Variants in CELF4 observed in about 807,000 individuals in gnomAD.
The protein encoded by CELF4 is CUG-BP- and ETR-3-like factor 4.
CELF4 carries 18 observed loss-of-function variants against 59.9 expected under a neutral mutation model. The ratio of observed to expected loss-of-function variants is 0.30; its 90% CI spans 0.21 to 0.45. CELF4 has a LOEUF of 0.45. Ranked by LOEUF, CELF4 falls within the 20% of genes least tolerant of loss-of-function variation. The pLI, the probability that CELF4 is intolerant of heterozygous loss-of-function variation, is 1.00. For synonymous variants in CELF4, 261 were observed against 267.1 expected (o/e 0.98, Z 0.22); for missense variants, 456 against 689.0 (o/e 0.66, Z 3.79).
At chr18:37,425,850 AG>A (rs2099608773) in intron 2 of CELF4, among the ~76,000 whole-genome samples, 1 of 152,234 alleles carries the variant, frequency 6.6e-6, no homozygotes, top group African/African-American at 2.4e-5. Flanking sequence ...CTGCCTGATT[AG>A]GGGACCTTTG....
intron 1 of CELF4, among the ~76,000 whole-genome samples, chr18:37,503,495 C>T (rs2099934124): frequency 1.3e-5 from 2 of 152,158 alleles, no homozygotes. Context: ...CAGAAGAGCC[C>T]CTTCCACATC....
intron 2 of CELF4, among the ~76,000 whole-genome samples, chr18:37,383,044 ATG>A: frequency 6.6e-6 from 1 of 151,914 alleles, no homozygotes; most frequent in South Asian, 2.1e-4. Flanking sequence ...GTATGTATGT[ATG>A]TATGTATGTA....
intron 3 of CELF4, among the ~76,000 whole-genome samples, chr18:37,311,380 CT>C (rs1438661276): frequency 2.0e-5 from 3 of 152,228 alleles, no homozygotes; most frequent in Non-Finnish European, 2.9e-5. Flanking sequence ...AAGACCAATT[CT>C]TCACGCAGCT....
chr18:37,270,747 A>C lies in CELF4; in HGVS notation c.1099+21T>G, dbSNP rs2090777883. ...AAAGAATGTGCTGCATACGGAAATA[A>C]GTGCTGACAGATGTGCTTACCTGGG... On this transcript the variant is annotated intron_variant, in intron 8 of 12. Transcript: ENST00000420428. 1.9e-6 allele frequency: 3 copies of C among 1,613,654 alleles called. No homozygotes were observed. The African/African-American group carries it at 4.0e-5, about 21-fold the overall frequency.
intron 1 of CELF4, among the ~76,000 whole-genome samples, chr18:37,539,512 G>C (rs932936855): frequency 1.5e-4 from 23 of 151,668 alleles, no homozygotes; most frequent in Non-Finnish European, 2.8e-4. Context: ...TGCACACACA[G>C]ACACACAGCC....
intron 2 of CELF4, among the ~76,000 whole-genome samples, chr18:37,434,507 C>T (rs1405364982): frequency 6.6e-6 from 1 of 152,178 alleles, no homozygotes; most frequent in Non-Finnish European, 1.5e-5. Context: ...CCATCATTTC[C>T]CCTGCCCAAC....
chr18:37,472,014 G>A (rs1413702952), intron 2 of CELF4, among the ~76,000 whole-genome samples: 3 of 152,212 alleles, frequency 2.0e-5, no homozygotes, highest in African/African-American at 7.2e-5. Flanking sequence ...CCTGGTTAGG[G>A]TTTTCAATCT....
chr18:37,480,191 T>A (rs1339222160), intron 2 of CELF4, among the ~76,000 whole-genome samples: 1 of 152,148 alleles, frequency 6.6e-6, no homozygotes, highest in Non-Finnish European at 1.5e-5. Flanking sequence ...ACCGGGGAAC[T>A]GGAAGAGTGT....
chr18:37,486,915 AC>A, intron 1 of CELF4, among the ~76,000 whole-genome samples: 1 of 152,148 alleles, frequency 6.6e-6, no homozygotes, highest in African/African-American at 2.4e-5. Flanking sequence ...ATCAAGTTCT[AC>A]CTACTCCAGG....
At chr18:37,506,734 G>A (rs188302781) in intron 1 of CELF4, among the ~76,000 whole-genome samples, 119 of 152,322 alleles carry the variant, frequency 7.8e-4, no homozygotes, top group Middle Eastern at 3.4e-3. Flanking sequence ...TCAGCCCAAC[G>A]GCAGCAGCGC....
chr18:37,509,149 A>C, intron 1 of CELF4, among the ~76,000 whole-genome samples: 1 of 41,824 alleles, frequency 2.4e-5, no homozygotes, highest in South Asian at 1.0e-3. Flanking sequence ...ATTTAATGGA[A>C]GAATGTTATC....
chr18:37,243,186 C>CTTTTT lies in CELF4; in HGVS notation c.*2051_*2055dup, dbSNP rs561464294. The CTTTTT allele has an allele frequency of 3.0e-5, 3 of 100,564 alleles. No individual in the cohort carries two copies. The highest frequency in any genetic ancestry group is 4.1e-5 in the African/African-American group (1 of 24,176). 6.2% of individuals were successfully genotyped at this position (100,564 alleles called of 1,614,324 possible). On this transcript the variant is annotated 3_prime_UTR_variant, in exon 13 of 13. Coordinates refer to ENST00000420428, the MANE Select transcript of CELF4 (RefSeq NM_020180.4). ...TGTTTTCTTTTTTTTTTCTTTTTTT[C>CTTTTT]TTTTTTTTTTTTTTTTTTTTACATC...
At chr18:37,302,164 A>G (rs534536581) in intron 3 of CELF4, among the ~76,000 whole-genome samples, 97 of 152,228 alleles carry the variant, frequency 6.4e-4, no homozygotes, top group Non-Finnish European at 1.1e-3. Context: ...ACTGTCCAGA[A>G]TGCCCACCGG....
At chr18:37,293,604 C>T (rs1159328767) in intron 3 of CELF4, among the ~76,000 whole-genome samples, 1 of 152,118 alleles carries the variant, frequency 6.6e-6, no homozygotes, top group East Asian at 1.9e-4. Context: ...ACTACTTAAC[C>T]CACTCCAGAC....
intron 2 of CELF4, among the ~76,000 whole-genome samples, chr18:37,407,532 C>T (rs1361819417): frequency 6.6e-6 from 1 of 151,774 alleles, no homozygotes; most frequent in South Asian, 2.1e-4. Flanking sequence ...CAGGTGTGTA[C>T]ATGTGTGTAT....
intron 2 of CELF4, among the ~76,000 whole-genome samples, chr18:37,336,914 G>A (rs1003856045): frequency 6.6e-6 from 1 of 151,840 alleles, no homozygotes; most frequent in African/African-American, 2.4e-5. Flanking sequence ...CGGGGCTGCC[G>A]GGCTGGCCCC....
At chr18:37,374,878 G>A (rs1434504407) in intron 2 of CELF4, among the ~76,000 whole-genome samples, 1 of 152,202 alleles carries the variant, frequency 6.6e-6, no homozygotes, top group Non-Finnish European at 1.5e-5. Context: ...GGTGGGAGGA[G>A]GTTATGAGGT....
intron 3 of CELF4, among the ~76,000 whole-genome samples, chr18:37,295,082 GA>G (rs1245484476): frequency 6.6e-6 from 1 of 152,138 alleles, no homozygotes; most frequent in African/African-American, 2.4e-5. Flanking sequence ...GCTCTGACTT[GA>G]AAGCAGGGAG....
chr18:37,452,046 C>T (rs1051858364), intron 2 of CELF4, among the ~76,000 whole-genome samples: 2 of 152,178 alleles, frequency 1.3e-5, no homozygotes, highest in African/African-American at 4.8e-5. Flanking sequence ...TCTGGGCTGG[C>T]ATGTGCTGCC....
Sources: allele counts gnomAD v4.1 joint callset (sites outside exome capture counted in the v4.1 genomes callset), GRCh38; gene constraint gnomAD v4.1.1; transcripts MANE v1.5; gene names NCBI Gene and HGNC (gene_info 2026-07-23, HGNC 2026-07-21).